Variants in EFCAB5 observed in about 807,000 individuals in gnomAD.
The protein encoded by EFCAB5 is EF-hand calcium binding domain 5.
Under a neutral mutation model 167.9 loss-of-function variants are expected in EFCAB5, and 131 were observed. That is an observed-to-expected ratio of 0.78 (90% CI 0.68 to 0.90). The LOEUF (loss-of-function observed/expected upper bound fraction) is 0.90. Among genes scored for constraint, EFCAB5 ranks in the 40% least tolerant of loss-of-function variants. The pLI is 0.00. For missense variants in EFCAB5, 1,663 were observed against 1,745.2 expected (o/e 0.95, Z 0.84); for synonymous variants, 574 against 602.8 (o/e 0.95, Z 0.70).
At chr17:29,992,775 A>G (rs2068449972) in intron 4 of EFCAB5, among the ~76,000 whole-genome samples, 1 of 152,192 alleles carries the variant, frequency 6.6e-6, no homozygotes, top group Admixed American at 6.5e-5. Context: ...CTCTTTGACA[A>G]ACTGATTTCA....
At chr17:29,977,254 C>A (rs980601735) in intron 4 of EFCAB5, among the ~76,000 whole-genome samples, 1 of 151,954 alleles carries the variant, frequency 6.6e-6, no homozygotes, top group Admixed American at 6.6e-5. Flanking sequence ...TTTCAATAGC[C>A]TAATTATGAT....
At chr17:30,068,789 G>A (rs181966709) in intron 14 of EFCAB5, 173 of 1,352,574 alleles carry the variant, frequency 1.3e-4, no homozygotes, top group Admixed American at 3.9e-4. Context: ...AGCCGGGCCC[G>A]CGAAATGATT....
chr17:30,034,312 T>A lies in EFCAB5; in HGVS notation c.1127T>A (p.Phe376Tyr), dbSNP rs1271041525. Residue 376 changes from phenylalanine to tyrosine, a missense_variant, in exon 8 of 23, where the codon TTT (phenylalanine) becomes TAT (tyrosine). Coordinates refer to ENST00000394835, the MANE Select transcript of EFCAB5 (RefSeq NM_198529.4). ...CACCTTTGCCACTCTGCAGATGAAT[T>A]TCGGGAGGTCATAAAAGCTGACATG... ...LKHLCHSADEFREVIKADMRR... is the reference protein window; with the variant it reads ...LKHLCHSADEYREVIKADMRR... 6.2e-7 allele frequency: 1 copy of A among 1,613,808 alleles called. No homozygotes were observed. The highest frequency in any genetic ancestry group is 1.3e-5 in the African/African-American group (1 of 74,930).
intron 7 of EFCAB5, among the ~76,000 whole-genome samples, chr17:30,029,995 A>G (rs1332871205): frequency 6.6e-6 from 1 of 152,228 alleles, no homozygotes; most frequent in Non-Finnish European, 1.5e-5. Flanking sequence ...TACAGTTCAA[A>G]TGTTTAACAT....
At chr17:29,971,893 C>CT (rs1424586422) in intron 4 of EFCAB5, among the ~76,000 whole-genome samples, 4 of 152,172 alleles carry the variant, frequency 2.6e-5, no homozygotes, top group Middle Eastern at 3.4e-3. Context: ...GAAAGGGTTC[C>CT]TTTTTCAGTA....
chr17:29,943,655 G>A lies in EFCAB5; in HGVS notation c.190+6G>A, dbSNP rs1415052470. ...GGATGAAATCAAATCCCAAGGTAGA[G>A]AACTAGCCTTTCTCTTATACAATAG... On this transcript the variant is annotated splice_donor_region_variant and intron_variant, in intron 3 of 22. Coordinates refer to ENST00000394835, the MANE Select transcript of EFCAB5 (RefSeq NM_198529.4). 2 of 1,565,064 alleles carry A rather than the reference G, an allele frequency of 1.3e-6. No homozygotes were observed. The highest frequency in any genetic ancestry group is 8.7e-7 in the Non-Finnish European group (1 of 1,154,016).
intron 3 of EFCAB5, among the ~76,000 whole-genome samples, chr17:29,950,133 G>A (rs559341498): frequency 5.9e-5 from 9 of 152,248 alleles, no homozygotes; most frequent in Middle Eastern, 3.4e-3. Flanking sequence ...CTCCAAAACA[G>A]CAAGATCAAC....
At chr17:29,934,848 G>C (rs537572615) in intron 1 of EFCAB5, among the ~76,000 whole-genome samples, 47 of 152,280 alleles carry the variant, frequency 3.1e-4, no homozygotes, top group Admixed American at 2.3e-3. Context: ...CTTGCCAGGA[G>C]TGAATTACCT....
intron 19 of EFCAB5, among the ~76,000 whole-genome samples, chr17:30,089,582 C>A (rs2071154698): frequency 1.3e-5 from 2 of 152,196 alleles, no homozygotes; most frequent in South Asian, 4.1e-4. Context: ...AAGTCTCTCA[C>A]TGAGGCAGAT....
intron 22 of EFCAB5, among the ~76,000 whole-genome samples, chr17:30,102,615 A>G (rs546208765): frequency 1.3e-5 from 2 of 152,246 alleles, no homozygotes; most frequent in African/African-American, 4.8e-5. Flanking sequence ...ACGTAGCAAA[A>G]TTGAATGCAT....
intron 14 of EFCAB5, chr17:30,069,111 G>A: frequency 6.0e-6 from 9 of 1,494,444 alleles, no homozygotes; most frequent in African/African-American, 1.4e-5. Flanking sequence ...AAAGAGTGGT[G>A]GATAAGAAAA....
intron 8 of EFCAB5, among the ~76,000 whole-genome samples, chr17:30,038,605 A>G (rs1239360883): frequency 6.6e-6 from 1 of 152,214 alleles, no homozygotes; most frequent in Non-Finnish European, 1.5e-5. Flanking sequence ...TAAGAAATAC[A>G]TTTCATAAGG....
chr17:29,954,094 G>A (rs1408907343), intron 3 of EFCAB5, among the ~76,000 whole-genome samples: 1 of 152,168 alleles, frequency 6.6e-6, no homozygotes, highest in Admixed American at 6.5e-5. Flanking sequence ...ATAAAAGTTT[G>A]AAAATTTTGC....
intron 1 of EFCAB5, among the ~76,000 whole-genome samples, chr17:29,931,515 C>T (rs2067194578): frequency 6.6e-6 from 1 of 152,134 alleles, no homozygotes; most frequent in Non-Finnish European, 1.5e-5. Flanking sequence ...TGCAGAGAAG[C>T]CAGCTGGTAG....
chr17:29,955,521 C>A (rs772188971), intron 3 of EFCAB5, among the ~76,000 whole-genome samples: 1 of 152,116 alleles, frequency 6.6e-6, no homozygotes, highest in Non-Finnish European at 1.5e-5. Context: ...CCACGTGGAA[C>A]TGTGAGTCCC....
intron 8 of EFCAB5, among the ~76,000 whole-genome samples, chr17:30,049,496 CAA>C (rs2070024269): frequency 6.7e-6 from 1 of 149,156 alleles, no homozygotes; most frequent in Non-Finnish European, 1.5e-5. Context: ...AAAACAAAAA[CAA>C]AAACAAACAA....
intron 7 of EFCAB5, among the ~76,000 whole-genome samples, chr17:30,016,280 G>A (rs960018762): frequency 6.6e-6 from 1 of 151,210 alleles, no homozygotes; most frequent in African/African-American, 2.4e-5. Context: ...TTTTTCTTTT[G>A]TTGATTTTGC....
intron 3 of EFCAB5, 117 bp from the exon 4 acceptor site, chr17:29,968,674 A>T: frequency 1.3e-6 from 1 of 784,332 alleles, no homozygotes; most frequent in Non-Finnish European, 1.9e-6. Context: ...TTCAGCTGAC[A>T]TTCTTCCAAT....
chr17:30,054,451 T>G (rs2070196762), intron 10 of EFCAB5, among the ~76,000 whole-genome samples: 1 of 152,224 alleles, frequency 6.6e-6, no homozygotes. Flanking sequence ...CCTTTTGTTT[T>G]AAATGTAATG....
Sources: gnomAD v4.1 joint callset for allele counts (sites outside exome capture counted in the v4.1 genomes callset) on GRCh38, gnomAD v4.1.1 for gene constraint, MANE v1.5 for transcripts, NCBI Gene and HGNC (gene_info 2026-07-23, HGNC 2026-07-21) for gene names.